PELI2: variants seen among roughly 807,000 people sequenced by gnomAD.
PELI2 encodes E3 ubiquitin-protein ligase pellino homolog 2.
Under a neutral mutation model 42.3 loss-of-function variants are expected in PELI2, and 23 were observed. The observed-to-expected ratio is 0.54, with a 90% CI of 0.39 to 0.77. The LOEUF (loss-of-function observed/expected upper bound fraction) is 0.77. Among genes scored for constraint, PELI2 ranks in the 30% least tolerant of loss-of-function variants. The probability of loss-of-function intolerance (pLI) is 0.00; values close to 1 mark genes in which losing one functional copy is unlikely to be tolerated. For synonymous variants in PELI2, 245 were observed against 212.2 expected (o/e 1.15, Z -1.34); for missense variants, 463 against 553.2 (o/e 0.84, Z 1.64).
chr14:56,267,093 G>C (rs1181833772), intron 2 of PELI2, among the ~76,000 whole-genome samples: 1 of 152,002 alleles, frequency 6.6e-6, no homozygotes, highest in Non-Finnish European at 1.5e-5. Flanking sequence ...GGAATTGGAA[G>C]GGAGATACCA....
chr14:56,119,679 G>T (rs935709834), intron 1 of PELI2: 21 of 748,816 alleles, frequency 2.8e-5, no homozygotes, highest in Non-Finnish European at 3.4e-5. Flanking sequence ...CTTAAAACTG[G>T]ATATAGTGGG....
At chr14:56,255,824 A>G (rs1888508991) in intron 2 of PELI2, among the ~76,000 whole-genome samples, 1 of 152,060 alleles carries the variant, frequency 6.6e-6, no homozygotes, top group Non-Finnish European at 1.5e-5. Flanking sequence ...CTTGGCTGGC[A>G]CCATCTTGTC....
At chr14:56,207,155 C>T (rs1886546828) in intron 2 of PELI2, among the ~76,000 whole-genome samples, 1 of 152,074 alleles carries the variant, frequency 6.6e-6, no homozygotes, top group African/African-American at 2.4e-5. Flanking sequence ...GCTAAGATTA[C>T]TAGATTACTA....
intron 2 of PELI2, among the ~76,000 whole-genome samples, chr14:56,200,771 A>G (rs1403359480): frequency 2.6e-5 from 4 of 152,190 alleles, no homozygotes; most frequent in African/African-American, 4.8e-5. Flanking sequence ...TGTTTTTAAT[A>G]TCACAGCAGG....
intron 2 of PELI2, among the ~76,000 whole-genome samples, chr14:56,220,295 A>G (rs1887076761): frequency 6.6e-6 from 1 of 152,194 alleles, no homozygotes; most frequent in African/African-American, 2.4e-5. Context: ...AAGGCACACC[A>G]GCAGGGGTGT....
intron 2 of PELI2, among the ~76,000 whole-genome samples, chr14:56,224,847 TG>T (rs1427921060): frequency 2.4e-5 from 3 of 124,572 alleles, no homozygotes; most frequent in African/African-American, 7.8e-5. Context: ...TGCAAAAACC[TG>T]GCCCCCATAC....
intron 2 of PELI2, among the ~76,000 whole-genome samples, chr14:56,230,133 G>A (rs547168602): frequency 1.3e-5 from 2 of 152,316 alleles, no homozygotes; most frequent in South Asian, 2.1e-4. Flanking sequence ...ATTGGTGTAC[G>A]TGAAAGTGAA....
chr14:56,141,583 G>A (rs556267386), intron 1 of PELI2, among the ~76,000 whole-genome samples: 7 of 152,238 alleles, frequency 4.6e-5, no homozygotes, highest in African/African-American at 1.4e-4. Flanking sequence ...CTCACAGTTC[G>A]GCATGGCTGG....
At position 56,160,687 on chromosome 14, in the gene PELI2, A is replaced by G. The variant is rs115915285; in HGVS notation, c.78-17648A>G. On this transcript the variant is annotated intron_variant, in intron 1 of 5. Coordinates refer to ENST00000267460, the MANE Select transcript of PELI2 (RefSeq NM_021255.3). ...ATCAAAGCCAGTAGTTAACCTAGCA[A>G]TGACAGCCTCCACCTTTCTTAGACG... is the stretch of plus-strand genomic sequence containing the variant. Among the ~76,000 whole-genome samples the G allele has an allele frequency of 4.6e-3, 707 of 152,298 alleles. 1 individual carries two copies. Among genetic ancestry groups the G allele is most frequent in the African/African-American group, 0.016 (656 of 41,552 alleles).
chr14:56,145,422 A>G (rs1399249352), intron 1 of PELI2, among the ~76,000 whole-genome samples: 1 of 152,190 alleles, frequency 6.6e-6, no homozygotes, highest in Non-Finnish European at 1.5e-5. Context: ...AAAATGTTTC[A>G]TAAATGTTCT....
chr14:56,227,280 G>T (rs1388341391), intron 2 of PELI2, among the ~76,000 whole-genome samples: 1 of 152,128 alleles, frequency 6.6e-6, no homozygotes, highest in Non-Finnish European at 1.5e-5. Flanking sequence ...GGGTGTGTGA[G>T]GAGTGGCAGT....
At chr14:56,179,075 A>T (rs951718574) in intron 2 of PELI2, among the ~76,000 whole-genome samples, 5 of 152,074 alleles carry the variant, frequency 3.3e-5, no homozygotes, top group Non-Finnish European at 5.9e-5. Context: ...AATGCTAATT[A>T]AAAAAAACTG....
chr14:56,172,101 T>C (rs951043005), intron 1 of PELI2, among the ~76,000 whole-genome samples: 1 of 152,218 alleles, frequency 6.6e-6, no homozygotes, highest in Non-Finnish European at 1.5e-5. Flanking sequence ...AATCTATTAC[T>C]GTGTAACCAC....
chr14:56,232,321 G>C (rs11796617), intron 2 of PELI2, among the ~76,000 whole-genome samples: 1 of 152,064 alleles, frequency 6.6e-6, no homozygotes, highest in African/African-American at 2.4e-5. Flanking sequence ...GAGAATTTTA[G>C]ACCAATATCC....
chr14:56,229,712 T>A (rs1342812886), intron 2 of PELI2, among the ~76,000 whole-genome samples: 1 of 152,130 alleles, frequency 6.6e-6, no homozygotes, highest in Admixed American at 6.5e-5. Context: ...ATGCAGCTCC[T>A]CACCAGCAAC....
chr14:56,139,552 A>G (rs1883825464), intron 1 of PELI2, among the ~76,000 whole-genome samples: 1 of 151,820 alleles, frequency 6.6e-6, no homozygotes, highest in Admixed American at 6.6e-5. Flanking sequence ...TACGTTTTAC[A>G]TTATGGTTCA....
intron 2 of PELI2, among the ~76,000 whole-genome samples, chr14:56,206,878 T>C (rs185447913): frequency 9.0e-4 from 137 of 152,338 alleles, no homozygotes; most frequent in African/African-American, 3.2e-3. Flanking sequence ...GTCTGTATTA[T>C]CCTCAGAGGG....
At chr14:56,235,402 C>T (rs1271591615) in intron 2 of PELI2, among the ~76,000 whole-genome samples, 1 of 152,238 alleles carries the variant, frequency 6.6e-6, no homozygotes, top group East Asian at 1.9e-4. Context: ...TGGAGAAACT[C>T]AGTCTCAGAA....
intron 2 of PELI2, among the ~76,000 whole-genome samples, chr14:56,231,610 C>T (rs1402960186): frequency 1.3e-5 from 2 of 152,088 alleles, no homozygotes; most frequent in Non-Finnish European, 2.9e-5. Context: ...TTTAAAGCAG[C>T]GTGTAGAGGG....
Sources: allele counts gnomAD v4.1 joint callset (sites outside exome capture counted in the v4.1 genomes callset), GRCh38; gene constraint gnomAD v4.1.1; transcripts MANE v1.5; gene names NCBI Gene and HGNC (gene_info 2026-07-23, HGNC 2026-07-21).